LARGE1: variants seen among roughly 807,000 people sequenced by gnomAD.
LARGE1 encodes the protein xylosyl- and glucuronyltransferase LARGE1.
In LARGE1, 43 loss-of-function variants were observed where a neutral mutation model predicts 87.6. That is an observed-to-expected ratio of 0.49 (90% confidence interval 0.38 to 0.63). The LOEUF is 0.63. Among genes scored for constraint, LARGE1 ranks in the 30% least tolerant of loss-of-function variants. The pLI is 0.00. For missense variants in LARGE1, 802 were observed against 1,000.2 expected (o/e 0.80, Z 2.67); for synonymous variants, 434 against 394.6 (o/e 1.10, Z -1.18).
intron 1 of LARGE1, among the ~76,000 whole-genome samples, chr22:33,821,501 G>C (rs1231960043): frequency 6.6e-6 from 1 of 152,160 alleles, no homozygotes; most frequent in African/African-American, 2.4e-5. Flanking sequence ...ACAAATGTTT[G>C]TCTGACTAAT....
intron 1 of LARGE1, among the ~76,000 whole-genome samples, chr22:33,905,695 T>C (rs1462359019): frequency 6.6e-6 from 1 of 152,106 alleles, no homozygotes; most frequent in African/African-American, 2.4e-5. Context: ...GAGGCAACCA[T>C]GTGGCATTGC....
intron 12 of LARGE1, among the ~76,000 whole-genome samples, chr22:33,303,907 G>C (rs1351644130): frequency 2.0e-5 from 3 of 152,182 alleles, no homozygotes; most frequent in African/African-American, 7.2e-5. Flanking sequence ...ACAGGCGAGA[G>C]CCATCGCGTG....
At chr22:33,642,538 T>C (rs1337033116) in intron 3 of LARGE1, among the ~76,000 whole-genome samples, 1 of 151,774 alleles carries the variant, frequency 6.6e-6, no homozygotes, top group African/African-American at 2.4e-5. Flanking sequence ...CATAACAATA[T>C]TAACCTTAAA....
At chr22:33,605,234 G>A (rs774409944) in intron 4 of LARGE1, among the ~76,000 whole-genome samples, 1 of 151,962 alleles carries the variant, frequency 6.6e-6, no homozygotes, top group African/African-American at 2.4e-5. Context: ...CCAACCAAGC[G>A]GTTACTTTAA....
chr22:33,442,359 G>A (rs1005517800), intron 6 of LARGE1, among the ~76,000 whole-genome samples: 3 of 152,180 alleles, frequency 2.0e-5, no homozygotes, highest in African/African-American at 7.2e-5. Context: ...TCTTTACAAA[G>A]AGCTTCTCAA....
At chr22:33,200,091 C>T (rs1602082454) in intron 11 of LARGE1, among the ~76,000 whole-genome samples, 1 of 152,250 alleles carries the variant, frequency 6.6e-6, no homozygotes, top group Non-Finnish European at 1.5e-5. Context: ...TCGTGATCCA[C>T]CCACCTCAGC....
chr22:33,919,306 G>C (rs2267324), intron 1 of LARGE1, among the ~76,000 whole-genome samples: 12,304 of 152,182 alleles, frequency 0.081, 636 homozygotes, highest in East Asian at 0.26. Context: ...ATTTAAAAGA[G>C]GATAAGGCAA....
chr22:33,626,173 C>T (rs1322686956), intron 4 of LARGE1, 71 bp downstream of exon 4: 3 of 1,391,266 alleles, frequency 2.2e-6, no homozygotes, highest in African/African-American at 2.8e-5. Flanking sequence ...TCCTATTTAA[C>T]CCTTCCCCAA....
At chr22:33,186,302 T>C (rs1923472101) in intron 11 of LARGE1, among the ~76,000 whole-genome samples, 1 of 152,100 alleles carries the variant, frequency 6.6e-6, no homozygotes, top group African/African-American at 2.4e-5. Context: ...CAGTGATACG[T>C]AAAAAAGGTG....
At chr22:33,814,493 T>C (rs1014548877) in intron 1 of LARGE1, among the ~76,000 whole-genome samples, 1 of 152,180 alleles carries the variant, frequency 6.6e-6, no homozygotes, top group African/African-American at 2.4e-5. Flanking sequence ...ATATCTACAA[T>C]CAGTTGACTT....
At chr22:33,892,865 C>T (rs2065039096) in intron 1 of LARGE1, among the ~76,000 whole-genome samples, 1 of 152,212 alleles carries the variant, frequency 6.6e-6, no homozygotes, top group Admixed American at 6.5e-5. Flanking sequence ...ATCAATATTC[C>T]CATTCACACA....
intron 2 of LARGE1, among the ~76,000 whole-genome samples, chr22:33,734,628 T>A (rs1292471504): frequency 5.9e-5 from 9 of 152,182 alleles, no homozygotes; most frequent in Admixed American, 5.9e-4. Flanking sequence ...GGAAATTGCA[T>A]GGAAGCCCTG....
In LARGE1 at chr22:33,362,486, C is replaced by T. The variant is rs1057329747; in HGVS notation, c.1131+19433G>A. Among the ~76,000 whole-genome samples, 5 of 149,592 alleles carry T rather than the reference C, an allele frequency of 3.3e-5. No homozygotes were observed. The South Asian group carries it at 8.8e-4, about 26-fold the overall frequency. ...CCTCTCCCCTTAGAAGTTCTCTTAA[C>T]CAACCTCTACTTAGCACAAAGTTCT... On this transcript the variant is annotated intron_variant, in intron 9 of 14. Transcript: ENST00000397394.
chr22:33,397,650 T>C (rs1037662933), intron 7 of LARGE1, among the ~76,000 whole-genome samples: 4 of 152,240 alleles, frequency 2.6e-5, no homozygotes, highest in African/African-American at 9.6e-5. Flanking sequence ...TTCTTGAACA[T>C]GTCTTTTGAC....
At chr22:33,507,095 T>C (rs537950765) in intron 6 of LARGE1, among the ~76,000 whole-genome samples, 12 of 152,192 alleles carry the variant, frequency 7.9e-5, no homozygotes, top group African/African-American at 2.9e-4. Context: ...GTGATCCAAG[T>C]AAACACCCCC....
At chr22:33,869,025 G>GA (rs2064194038) in intron 1 of LARGE1, among the ~76,000 whole-genome samples, 1 of 152,308 alleles carries the variant, frequency 6.6e-6, no homozygotes, top group African/African-American at 2.4e-5. Flanking sequence ...AAAATGAGCA[G>GA]AATGTAGACA....
chr22:33,760,758 A>G (rs1246265778), intron 2 of LARGE1, among the ~76,000 whole-genome samples: 1 of 152,128 alleles, frequency 6.6e-6, no homozygotes, highest in Non-Finnish European at 1.5e-5. Context: ...CATCTCTACG[A>G]AAAATAGAAG....
intron 11 of LARGE1, among the ~76,000 whole-genome samples, chr22:33,181,668 A>T (rs1261327134): frequency 2.0e-5 from 3 of 151,726 alleles, no homozygotes; most frequent in Non-Finnish European, 4.4e-5. Flanking sequence ...AGCTGGGATT[A>T]CAAGCGCCCG....
chr22:33,801,506 T>C (rs1410209288), intron 1 of LARGE1, among the ~76,000 whole-genome samples: 1 of 152,200 alleles, frequency 6.6e-6, no homozygotes, highest in East Asian at 1.9e-4. Flanking sequence ...GTATTTTCCT[T>C]GGTGACATGT....
Sources: gnomAD v4.1 joint callset for allele counts (sites outside exome capture counted in the v4.1 genomes callset) on GRCh38, gnomAD v4.1.1 for gene constraint, MANE v1.5 for transcripts, NCBI Gene and HGNC (gene_info 2026-07-23, HGNC 2026-07-21) for gene names.